HIVEP3: variants seen among roughly 807,000 people sequenced by gnomAD.
HIVEP3 encodes HIVEP zinc finger 3, also known as transcription factor HIVEP3.
In HIVEP3, 49 loss-of-function variants were observed where a neutral mutation model predicts 152.8. The observed-to-expected ratio is 0.32, with a 90% CI of 0.26 to 0.41. The LOEUF is 0.41. HIVEP3 is among the 10% of genes least tolerant of loss of function. HIVEP3 has a pLI of 1.00. For missense variants in HIVEP3, 2,790 were observed against 3,103.3 expected (o/e 0.90, Z 2.40); for synonymous variants, 1,269 against 1,289.0 (o/e 0.98, Z 0.33).
At chr1:41,738,734 C>T (rs1028993166) in intron 1 of HIVEP3, among the ~76,000 whole-genome samples, 2 of 152,176 alleles carry the variant, frequency 1.3e-5, no homozygotes, top group Admixed American at 6.5e-5. Flanking sequence ...TTCCTTTCTC[C>T]ATGCCTTAGC....
chr1:41,563,369 A>T (rs999435845), intron 5 of HIVEP3, among the ~76,000 whole-genome samples: 7 of 91,220 alleles, frequency 7.7e-5, no homozygotes, highest in Middle Eastern at 5.6e-3. Context: ...GATAAAAATT[A>T]AAAAAAAAAA....
At chr1:41,545,063 C>CATCACT (rs1558047705) in intron 5 of HIVEP3, among the ~76,000 whole-genome samples, 11 of 119,094 alleles carry the variant, frequency 9.2e-5, no homozygotes, top group Non-Finnish European at 1.1e-4. Flanking sequence ...CCATCACTAC[C>CATCACT]ACCACCACCA....
At chr1:41,907,172 C>T (rs185616605) in intron 1 of HIVEP3, among the ~76,000 whole-genome samples, 5 of 152,282 alleles carry the variant, frequency 3.3e-5, no homozygotes, top group African/African-American at 1.2e-4. Flanking sequence ...AAAAACTACT[C>T]GGCTTTGGGA....
rs79080018 is a variant in HIVEP3, at chr1:41,658,948, T to G, written c.-720-30001A>C. On this transcript the variant is annotated intron_variant, in intron 2 of 8. Transcript: ENST00000372583. Reference sequence around the variant, plus strand: ...GAGGGTCCTTAGAAGTCTGACCTTTTCCTCATTTACAGGGGTTGGGGATGG... The same window carrying G: ...GAGGGTCCTTAGAAGTCTGACCTTTGCCTCATTTACAGGGGTTGGGGATGG... Among the ~76,000 whole-genome samples the G allele has an allele frequency of 7.8e-3, 1,183 of 152,286 alleles. 5 individuals carry two copies. The highest frequency in any genetic ancestry group is 0.014 in the Non-Finnish European group (931 of 68,006).
chr1:41,854,436 C>T (rs961581152), intron 1 of HIVEP3, among the ~76,000 whole-genome samples: 10 of 152,024 alleles, frequency 6.6e-5, no homozygotes, highest in Admixed American at 2.0e-4. Context: ...CCTGTTCGCT[C>T]ACCCCTCTGA....
intron 1 of HIVEP3, among the ~76,000 whole-genome samples, chr1:41,996,708 C>A (rs1413803745): frequency 6.6e-6 from 1 of 152,206 alleles, no homozygotes; most frequent in East Asian, 1.9e-4. Context: ...TGAATTATCA[C>A]AAACTTAGTG....
chr1:41,899,090 TA>T (rs1644578946), intron 1 of HIVEP3, among the ~76,000 whole-genome samples: 1 of 152,232 alleles, frequency 6.6e-6, no homozygotes, highest in Non-Finnish European at 1.5e-5. Flanking sequence ...CTGTTAAAAA[TA>T]AAACCTCTGC....
At chr1:41,689,081 T>C (rs756591578) in intron 2 of HIVEP3, among the ~76,000 whole-genome samples, 4 of 152,238 alleles carry the variant, frequency 2.6e-5, no homozygotes, top group African/African-American at 7.2e-5. Context: ...CACTTACAAG[T>C]GTTTACTTAC....
At chr1:41,742,808 T>C (rs934010152) in intron 1 of HIVEP3, among the ~76,000 whole-genome samples, 1 of 152,292 alleles carries the variant, frequency 6.6e-6, no homozygotes, top group Admixed American at 6.5e-5. Context: ...CCCCTCACTG[T>C]CTAGAATTTG....
chr1:41,814,687 T>C (rs1444520322), intron 1 of HIVEP3, among the ~76,000 whole-genome samples: 1 of 152,232 alleles, frequency 6.6e-6, no homozygotes, highest in Non-Finnish European at 1.5e-5. Context: ...CTCCATTGCA[T>C]TTGCAACTGA....
At chr1:41,586,660 T>C (rs1393158843) in intron 3 of HIVEP3, among the ~76,000 whole-genome samples, 1 of 152,172 alleles carries the variant, frequency 6.6e-6, no homozygotes, top group Non-Finnish European at 1.5e-5. Flanking sequence ...TTTTTGCAGG[T>C]GCTCAGAAGA....
chr1:41,710,842 C>T (rs1161700516), intron 1 of HIVEP3, among the ~76,000 whole-genome samples: 1 of 152,174 alleles, frequency 6.6e-6, no homozygotes, highest in Non-Finnish European at 1.5e-5. Flanking sequence ...TTCTTAAGGA[C>T]CTGATTCCTG....
intron 1 of HIVEP3, among the ~76,000 whole-genome samples, chr1:42,030,002 G>A (rs1364342699): frequency 6.6e-6 from 1 of 152,198 alleles, no homozygotes. Flanking sequence ...GAAAGCAATT[G>A]CTGCAAAAGG....
At chr1:41,950,537 G>T (rs1186008976) in intron 1 of HIVEP3, among the ~76,000 whole-genome samples, 1 of 152,138 alleles carries the variant, frequency 6.6e-6, no homozygotes, top group African/African-American at 2.4e-5. Context: ...CATAATAATT[G>T]CATTTGTGCT....
intron 2 of HIVEP3, among the ~76,000 whole-genome samples, chr1:41,669,545 G>A (rs754640429): frequency 8.5e-5 from 13 of 152,178 alleles, no homozygotes; most frequent in Admixed American, 4.6e-4. Context: ...CCAATCTACT[G>A]AAGACCTGAA....
chr1:41,930,896 T>C (rs1570820403), intron 1 of HIVEP3, among the ~76,000 whole-genome samples: 1 of 152,306 alleles, frequency 6.6e-6, no homozygotes, highest in East Asian at 1.9e-4. Context: ...TGTCTCTTCA[T>C]ATGCTTATTT....
chr1:41,890,988 C>T (rs1206992452), intron 1 of HIVEP3, among the ~76,000 whole-genome samples: 1 of 152,194 alleles, frequency 6.6e-6, no homozygotes, highest in African/African-American at 2.4e-5. Context: ...CACACGGGAG[C>T]CCTGAAACGA....
At chr1:41,573,431 G>A (rs184167059) in intron 5 of HIVEP3, among the ~76,000 whole-genome samples, 1 of 152,176 alleles carries the variant, frequency 6.6e-6, no homozygotes, top group African/African-American at 2.4e-5. Flanking sequence ...AAGTGAGAGT[G>A]GGAGGCATGG....
chr1:41,575,747 G>C, intron 4 of HIVEP3, 58 bp from the exon 5 acceptor site: 1 of 1,569,234 alleles, frequency 6.4e-7, no homozygotes, highest in South Asian at 1.1e-5. Context: ...CCTCAGTCAC[G>C]AATGCAATGC....
Sources: gnomAD v4.1 joint callset for allele counts (sites outside exome capture counted in the v4.1 genomes callset) on GRCh38, gnomAD v4.1.1 for gene constraint, MANE v1.5 for transcripts, NCBI Gene and HGNC (gene_info 2026-07-23, HGNC 2026-07-21) for gene names.